Variants in SMAD2 observed in about 807,000 individuals in gnomAD.
SMAD2 encodes the protein MAD homolog 2.
SMAD2 carries 8 observed loss-of-function variants against 64.4 expected under a neutral mutation model. The ratio of observed to expected loss-of-function variants is 0.12; its 90% CI spans 0.07 to 0.22. SMAD2 has a LOEUF of 0.22. Ranked by LOEUF, SMAD2 falls within the 10% of genes least tolerant of loss-of-function variation. SMAD2 has a pLI of 1.00. For missense variants in SMAD2, 289 were observed against 561.2 expected (o/e 0.51, Z 4.90); for synonymous variants, 203 against 195.8 (o/e 1.04, Z -0.31).
At position 47,817,097 on chromosome 18, in the gene SMAD2, CAAAT is replaced by C. The variant is rs1912398488; in HGVS notation, c.*24726_*24729del. On this transcript the variant is annotated 3_prime_UTR_variant, in exon 11 of 11. Transcript: ENST00000262160. ...TATTTCTACAGCAATGCTGTATTCC[CAAAT>C]AGAGTTTTCTTTTAGAGAGCCTCTC... is the stretch of plus-strand genomic sequence containing the variant. 6.6e-6 allele frequency: 1 copy of C among 152,068 alleles called. No homozygotes were observed. The highest frequency in any genetic ancestry group is 2.4e-5 in the African/African-American group (1 of 41,406). 9.4% of individuals were successfully genotyped at this position (152,068 alleles called of 1,614,324 possible).
intron 3 of SMAD2, among the ~76,000 whole-genome samples, chr18:47,870,109 T>C (rs758374881): frequency 8.5e-5 from 13 of 152,108 alleles, no homozygotes; most frequent in Non-Finnish European, 1.9e-4. Context: ...TTTATTAGTA[T>C]AAAGATGAGA....
intron 3 of SMAD2, 45 bp from the exon 4 acceptor site, chr18:47,869,481 A>C: frequency 6.9e-7 from 1 of 1,441,944 alleles, no homozygotes; most frequent in Non-Finnish European, 9.6e-7. Flanking sequence ...CTTTAAAAAA[A>C]AAAAAAAAAA....
In SMAD2 at chr18:47,824,045, T is replaced by A. The variant is rs921774545; in HGVS notation, c.*17782A>T. 9 of 152,242 alleles carry A rather than the reference T, an allele frequency of 5.9e-5. No individual in the cohort carries two copies. Among genetic ancestry groups the A allele is most frequent in the African/African-American group, 1.9e-4 (8 of 41,460 alleles). The allele number at this position is 152,242 out of a possible 1,614,324, so 9.4% of individuals were successfully genotyped here. Reference sequence around the variant, plus strand: ...AAAGGGTTTTAACACTGACTTTTAGTTGCCAATCACTCCTGCCAATGCAGG... The same window carrying A: ...AAAGGGTTTTAACACTGACTTTTAGATGCCAATCACTCCTGCCAATGCAGG... On this transcript the variant is annotated 3_prime_UTR_variant, in exon 11 of 11. Transcript: ENST00000262160.
chr18:47,874,068 A>G (rs983948672), intron 2 of SMAD2, among the ~76,000 whole-genome samples: 3 of 152,226 alleles, frequency 2.0e-5, no homozygotes, highest in African/African-American at 7.2e-5. Flanking sequence ...GAGATACAGC[A>G]TATTCACAGA....
intron 1 of SMAD2, among the ~76,000 whole-genome samples, chr18:47,915,847 C>T (rs1238173379): frequency 6.6e-6 from 1 of 152,150 alleles, no homozygotes; most frequent in Non-Finnish European, 1.5e-5. Flanking sequence ...CTACTGACTT[C>T]TATTACTATT....
chr18:47,897,531 T>G (rs1259412542), intron 1 of SMAD2, among the ~76,000 whole-genome samples: 1 of 152,246 alleles, frequency 6.6e-6, no homozygotes, highest in Non-Finnish European at 1.5e-5. Context: ...TTCAGCGTCA[T>G]TTTACAAATA....
intron 6 of SMAD2, among the ~76,000 whole-genome samples, chr18:47,863,896 G>C (rs558959997): frequency 1.3e-5 from 2 of 151,960 alleles, no homozygotes; most frequent in African/African-American, 4.8e-5. Context: ...TCCTACTAGC[G>C]ATATATGAGG....
chr18:47,901,631 A>G (rs1456299653), intron 1 of SMAD2, among the ~76,000 whole-genome samples: 1 of 152,004 alleles, frequency 6.6e-6, no homozygotes, highest in Admixed American at 6.5e-5. Context: ...CCTTCACTTA[A>G]CACAATTTTC....
At chr18:47,894,490 A>G (rs970030165) in intron 2 of SMAD2, among the ~76,000 whole-genome samples, 1 of 151,648 alleles carries the variant, frequency 6.6e-6, no homozygotes, top group Admixed American at 6.6e-5. Context: ...CTTACTTTAT[A>G]CTCTAAGGAT....
intron 1 of SMAD2, among the ~76,000 whole-genome samples, chr18:47,920,573 C>T (rs1361963783): frequency 6.6e-6 from 1 of 152,180 alleles, no homozygotes; most frequent in South Asian, 2.1e-4. Context: ...CTGGAAAGCA[C>T]AACTGGGCAG....
chr18:47,839,356 C>G lies in SMAD2; in HGVS notation c.*2471G>C. 1 of 233,252 alleles carries G rather than the reference C, an allele frequency of 4.3e-6. No homozygotes were observed. Among genetic ancestry groups the G allele is most frequent in the East Asian group, 6.0e-5 (1 of 16,690 alleles). 14.4% of individuals were successfully genotyped at this position (233,252 alleles called of 1,614,324 possible). A position where few individuals can be genotyped will look rare whatever the true frequency, so the allele number is the denominator to read the frequency against. On this transcript the variant is annotated 3_prime_UTR_variant, in exon 11 of 11. Transcript: ENST00000262160. ...CTACAACTGTTCCCTAACACCATTA[C>G]AAGTTCTCAAGTAAGAAAAAGAAGG...
intron 2 of SMAD2, among the ~76,000 whole-genome samples, chr18:47,884,283 C>G (rs1240719519): frequency 6.6e-6 from 1 of 152,136 alleles, no homozygotes; most frequent in Non-Finnish European, 1.5e-5. Flanking sequence ...CAACTATGTA[C>G]CAAGCTCTTA....
In SMAD2 at chr18:47,865,153, ATCAAGCACAGCTGCAACATAATC is replaced by A. The variant is rs1444924258; in HGVS notation, c.656-43_656-21del. The A allele has an allele frequency of 7.0e-6, 10 of 1,428,734 alleles. No homozygotes were observed. Among genetic ancestry groups the A allele is most frequent in the African/African-American group, 1.4e-5 (1 of 71,348 alleles). 88.5% of individuals were successfully genotyped at this position (1,428,734 alleles called of 1,614,324 possible). A position where few individuals can be genotyped will look rare whatever the true frequency, so the allele number is the denominator to read the frequency against. ...GCGTTTCTACAAAAGTTTAAAACAA[ATCAAGCACAGCTGCAACATAATC>A]TCACTACCTTTTCTCTCAGCTACCA... On this transcript the variant is annotated intron_variant, in intron 5 of 10. Transcript: ENST00000262160.
At chr18:47,930,337 G>A (rs1057445526) in intron 1 of SMAD2, 24 bp downstream of exon 1, 1 of 152,426 alleles carries the variant, frequency 6.6e-6, no homozygotes, top group African/African-American at 2.4e-5. Flanking sequence ...CCTAGCTGGA[G>A]GCCCGCGGGC....
chr18:47,922,386 A>G (rs1213990927), intron 1 of SMAD2, among the ~76,000 whole-genome samples: 1 of 152,236 alleles, frequency 6.6e-6, no homozygotes, highest in African/African-American at 2.4e-5. Flanking sequence ...GATAAAAAAT[A>G]TTCAGGAAAA....
chr18:47,866,359 G>A (rs1376143947), intron 5 of SMAD2, among the ~76,000 whole-genome samples: 3 of 143,616 alleles, frequency 2.1e-5, no homozygotes, highest in African/African-American at 7.8e-5. Context: ...AGAAGATACA[G>A]GTTAAGGGTC....
Position 47,841,766 on chromosome 18 carries a change from C to T in SMAD2, c.*61G>A, listed in dbSNP as rs1042247548. 350 of 1,603,650 alleles carry T rather than the reference C, an allele frequency of 2.2e-4. No homozygotes were observed. Among genetic ancestry groups the T allele is most frequent in the Non-Finnish European group, 2.8e-4 (324 of 1,171,204 alleles). On this transcript the variant is annotated 3_prime_UTR_variant, in exon 11 of 11. Transcript: ENST00000262160. ...GTAAACAGTCCATAGGGACCACACA[C>T]AATGCTATGACAGAAGAGTTGTTAC...
chr18:47,923,734 T>C (rs1264768878), intron 1 of SMAD2: 1 of 152,186 alleles, frequency 6.6e-6, no homozygotes, highest in African/African-American at 2.4e-5. Context: ...TTTTATCTGT[T>C]TTACATTTCG....
chr18:47,868,982 G>A (rs114424236), intron 4 of SMAD2, among the ~76,000 whole-genome samples: 2,816 of 152,210 alleles, frequency 0.019, 51 homozygotes, highest in African/African-American at 0.041. Context: ...TCAGCATAGC[G>A]CTGAGCAGAC....
Sources: allele counts gnomAD v4.1 joint callset (sites outside exome capture counted in the v4.1 genomes callset), GRCh38; gene constraint gnomAD v4.1.1; transcripts MANE v1.5; gene names NCBI Gene and HGNC (gene_info 2026-07-23, HGNC 2026-07-21).